TP53BP1: variants seen among roughly 807,000 people sequenced by gnomAD.
TP53BP1 encodes the protein tumor protein p53 binding protein 1.
TP53BP1 carries 61 observed loss-of-function variants against 200.8 expected under a neutral mutation model. The ratio of observed to expected loss-of-function variants is 0.30; its 90% confidence interval spans 0.25 to 0.38. The LOEUF is 0.38. Ranked by LOEUF, TP53BP1 falls within the 10% of genes least tolerant of loss-of-function variation. TP53BP1 has a pLI of 1.00. For missense variants in TP53BP1, 2,144 were observed against 2,371.9 expected (o/e 0.90, Z 2.00); for synonymous variants, 822 against 844.3 (o/e 0.97, Z 0.46).
intron 8 of TP53BP1, among the ~76,000 whole-genome samples, chr15:43,476,264 CA>C (rs1430378897): frequency 6.6e-6 from 1 of 151,884 alleles, no homozygotes; most frequent in African/African-American, 2.4e-5. Context: ...GACTCCGTCT[CA>C]AAAAAATAAA....
intron 2 of TP53BP1, 58 bp downstream of exon 2, chr15:43,492,226 G>T: frequency 6.5e-7 from 1 of 1,526,830 alleles, no homozygotes; most frequent in Non-Finnish European, 8.9e-7. Context: ...TATGTTTGCT[G>T]GTTTTCGGTT....
At chr15:43,472,156 C>T (rs947832535) in intron 10 of TP53BP1, among the ~76,000 whole-genome samples, 6 of 152,228 alleles carry the variant, frequency 3.9e-5, no homozygotes, top group Non-Finnish European at 7.3e-5. Context: ...TCTGCTTCTA[C>T]ATCTCATTAG....
intron 4 of TP53BP1, among the ~76,000 whole-genome samples, chr15:43,483,751 AG>A (rs2079007681): frequency 1.3e-5 from 2 of 152,370 alleles, no homozygotes; most frequent in East Asian, 1.9e-4. Context: ...AGAAAGTTCA[AG>A]AGCAAATATT....
chr15:43,493,267 G>A, upstream of TP53BP1: 1 of 1,398,944 alleles, frequency 7.1e-7, no homozygotes, highest in East Asian at 2.6e-5. Context: ...CCTGCCCCAC[G>A]TAAGAAAAAG....
At chr15:43,508,648 T>C (rs1229472602) in intron 1 of TP53BP1, among the ~76,000 whole-genome samples, 1 of 152,156 alleles carries the variant, frequency 6.6e-6, no homozygotes, top group Non-Finnish European at 1.5e-5. Flanking sequence ...TATATACGTA[T>C]ATTTTGACAA....
intron 11 of TP53BP1, among the ~76,000 whole-genome samples, chr15:43,468,080 T>C (rs905694928): frequency 2.6e-5 from 4 of 152,130 alleles, no homozygotes; most frequent in African/African-American, 9.6e-5. Flanking sequence ...CCACCACACC[T>C]GGTCAGATTT....
At chr15:43,507,015 T>G (rs2140187190) in intron 1 of TP53BP1, among the ~76,000 whole-genome samples, 1 of 152,344 alleles carries the variant, frequency 6.6e-6, no homozygotes. Flanking sequence ...CCCAAGAAGA[T>G]TTGTGCAACT....
intron 24 of TP53BP1, among the ~76,000 whole-genome samples, chr15:43,412,497 G>C (rs2045145373): frequency 6.6e-6 from 1 of 152,102 alleles, no homozygotes; most frequent in Non-Finnish European, 1.5e-5. Flanking sequence ...ACCCACTGCA[G>C]CCTTCCTTCA....
At chr15:43,469,237 G>A (rs892219274) in intron 11 of TP53BP1, among the ~76,000 whole-genome samples, 2 of 151,682 alleles carry the variant, frequency 1.3e-5, no homozygotes, top group Non-Finnish European at 2.9e-5. Flanking sequence ...GTTTTCCCTC[G>A]CTTTTAGAAG....
chr15:43,427,424 T>A (rs2045565258), intron 18 of TP53BP1, among the ~76,000 whole-genome samples: 1 of 152,194 alleles, frequency 6.6e-6, no homozygotes. Flanking sequence ...ACATACAATC[T>A]TTATACATGA....
At chr15:43,461,607 C>G (rs1296369240) in intron 11 of TP53BP1, among the ~76,000 whole-genome samples, 1 of 151,340 alleles carries the variant, frequency 6.6e-6, no homozygotes, top group Non-Finnish European at 1.5e-5. Context: ...ACTAAAAGAT[C>G]AAAAAACATT....
chr15:43,429,862 C>G (rs1437775083), intron 17 of TP53BP1, among the ~76,000 whole-genome samples: 1 of 152,184 alleles, frequency 6.6e-6, no homozygotes, highest in South Asian at 2.1e-4. Context: ...TGCCTGCACA[C>G]ACAATCAGAC....
chr15:43,508,784 C>T (rs1474882372), intron 1 of TP53BP1, among the ~76,000 whole-genome samples: 1 of 152,144 alleles, frequency 6.6e-6, no homozygotes, highest in Non-Finnish European at 1.5e-5. Context: ...TGGCAGTGAG[C>T]CTGCAAAATA....
chr15:43,409,445 T>G, intron 25 of TP53BP1: 1 of 535,212 alleles, frequency 1.9e-6, no homozygotes, highest in Non-Finnish European at 3.3e-6. Context: ...CCATAGCCAT[T>G]AACTAACCCA....
rs954017812 is a variant in TP53BP1, at chr15:43,493,081, C to G, written c.-38G>C. 1.2e-6 allele frequency: 2 copies of G among 1,611,890 alleles called. No individual in the cohort carries two copies. Among genetic ancestry groups the G allele is most frequent in the South Asian group, 2.2e-5 (2 of 90,760 alleles). On this transcript the variant is annotated 5_prime_UTR_variant, in exon 1 of 28. Coordinates refer to ENST00000382044, the MANE Select transcript of TP53BP1 (RefSeq NM_001141980.3). ...TCCCTCGCGCTCGAGCTAGAGGTCTCTGCACGCTCCCCAAGTCCCTCCAGA... is the reference window on the plus strand; with the variant it reads ...TCCCTCGCGCTCGAGCTAGAGGTCTGTGCACGCTCCCCAAGTCCCTCCAGA...
chr15:43,502,299 G>A (rs1359067991), intron 1 of TP53BP1, among the ~76,000 whole-genome samples: 1 of 151,944 alleles, frequency 6.6e-6, no homozygotes, highest in Non-Finnish European at 1.5e-5. Flanking sequence ...ACTCCAGCCT[G>A]GGCAACACAG....
chr15:43,497,315 G>T, upstream of TP53BP1: 1 of 580,796 alleles, frequency 1.7e-6, no homozygotes, highest in Non-Finnish European at 2.2e-6. Flanking sequence ...GGGAGGCAGA[G>T]GTTGCAGTGA....
At chr15:43,509,193 G>C (rs1441063101) in intron 1 of TP53BP1, among the ~76,000 whole-genome samples, 2 of 106,602 alleles carry the variant, frequency 1.9e-5, no homozygotes, top group South Asian at 4.8e-4. Flanking sequence ...ACAAACGGGG[G>C]GGGGGGGGGC....
chr15:43,417,732 A>T (rs1221259264), intron 21 of TP53BP1, among the ~76,000 whole-genome samples: 1 of 152,204 alleles, frequency 6.6e-6, no homozygotes, highest in East Asian at 1.9e-4. Flanking sequence ...AAAGACCCCA[A>T]TCCATGTGCT....
Sources: gnomAD v4.1 joint callset for allele counts (sites outside exome capture counted in the v4.1 genomes callset) on GRCh38, gnomAD v4.1.1 for gene constraint, MANE v1.5 for transcripts, NCBI Gene and HGNC (gene_info 2026-07-23, HGNC 2026-07-21) for gene names.